The following DAPK2 variants were observed in gnomAD, a reference collection of about 807,000 sequenced individuals.
DAPK2 encodes the protein death-associated protein kinase 2.
A neutral mutation model predicts 44.1 loss-of-function variants in DAPK2; 35 were observed. The observed-to-expected ratio is 0.79, with a 90% confidence interval of 0.61 to 1.05. The LOEUF is 1.05. DAPK2 is among the 50% of genes least tolerant of loss of function. DAPK2 has a pLI of 0.00. For synonymous variants in DAPK2, 174 were observed against 182.6 expected (o/e 0.95, Z 0.38); for missense variants, 453 against 483.2 (o/e 0.94, Z 0.59).
At chr15:64,010,955 T>G (rs1221670182) in intron 1 of DAPK2, among the ~76,000 whole-genome samples, 1 of 152,158 alleles carries the variant, frequency 6.6e-6, no homozygotes, top group African/African-American at 2.4e-5. Context: ...AGCAACCCCA[T>G]GTGGAGGTGG....
In DAPK2 at chr15:64,015,556, C is replaced by T. The variant is rs143736072; in HGVS notation, c.92+24614G>A. Among the ~76,000 whole-genome samples the T allele has an allele frequency of 4.6e-5, 7 of 152,284 alleles. No homozygotes were observed. In the East Asian group the frequency reaches 1.3e-3, roughly 29 times the overall value. ...CCTAAAATATATTTCCATATTCTAACCCCTGGCACATGTGACCATGACCTC... is the reference window on the plus strand; with the variant it reads ...CCTAAAATATATTTCCATATTCTAATCCCTGGCACATGTGACCATGACCTC... On this transcript the variant is annotated intron_variant, in intron 1 of 10. Coordinates refer to ENST00000261891, the Ensembl canonical transcript of DAPK2.
chr15:63,996,639 G>A (rs766835774), intron 1 of DAPK2, among the ~76,000 whole-genome samples: 2 of 152,082 alleles, frequency 1.3e-5, no homozygotes, highest in Non-Finnish European at 2.9e-5. Flanking sequence ...GTGGTTCTGT[G>A]CTGCCATCAC....
At chr15:63,944,242 G>A (rs12908891) in intron 3 of DAPK2, among the ~76,000 whole-genome samples, 81,293 of 151,926 alleles carry the variant, frequency 0.54, 22,196 homozygotes, top group East Asian at 0.91. Flanking sequence ...CCAGGTTCTC[G>A]TCCCTACCTT....
At chr15:64,043,308 G>A (rs553283668), upstream of DAPK2, among the ~76,000 whole-genome samples, 3 of 152,258 alleles carry the variant, frequency 2.0e-5, no homozygotes, top group East Asian at 3.9e-4. Flanking sequence ...ACGTTAGAAT[G>A]GTCACTGCAA....
intron 1 of DAPK2, among the ~76,000 whole-genome samples, chr15:64,004,623 G>C (rs1272633957): frequency 6.6e-6 from 1 of 152,170 alleles, no homozygotes; most frequent in African/African-American, 2.4e-5. Context: ...TCTCTGCTAG[G>C]CCTCAATGGA....
chr15:63,960,872 G>A (rs1414474569), intron 3 of DAPK2, among the ~76,000 whole-genome samples: 1 of 152,176 alleles, frequency 6.6e-6, no homozygotes. Flanking sequence ...TCTGATTGGT[G>A]CAGAGCTGAG....
At chr15:63,971,828 G>A (rs1410494192) in intron 2 of DAPK2, among the ~76,000 whole-genome samples, 1 of 152,234 alleles carries the variant, frequency 6.6e-6, no homozygotes, top group Non-Finnish European at 1.5e-5. Flanking sequence ...CTAGGCCCTG[G>A]TCCCAGTCAC....
intron 1 of DAPK2, among the ~76,000 whole-genome samples, chr15:64,024,170 T>A (rs1467382095): frequency 6.6e-6 from 1 of 152,190 alleles, no homozygotes; most frequent in Non-Finnish European, 1.5e-5. Flanking sequence ...ATTCCTCTCA[T>A]CAACCCCAAG....
At chr15:63,933,330 A>C (rs997763726) in intron 4 of DAPK2, among the ~76,000 whole-genome samples, 3 of 151,842 alleles carry the variant, frequency 2.0e-5, no homozygotes, top group African/African-American at 7.3e-5. Context: ...CGCAACCTCC[A>C]CCTCCTGGGT....
intron 1 of DAPK2, among the ~76,000 whole-genome samples, chr15:64,032,216 G>A (rs542914071): frequency 2.0e-5 from 3 of 152,210 alleles, no homozygotes; most frequent in Non-Finnish European, 4.4e-5. Context: ...GATCAGAGAC[G>A]TGGTCCAGAA....
intron 1 of DAPK2, among the ~76,000 whole-genome samples, chr15:64,024,896 A>G (rs1190279480): frequency 6.6e-6 from 1 of 152,156 alleles, no homozygotes; most frequent in Non-Finnish European, 1.5e-5. Context: ...ACCAGGGGCC[A>G]GTGTTTCAGG....
At chr15:63,931,114 C>A (rs988903047) in intron 4 of DAPK2, among the ~76,000 whole-genome samples, 2 of 151,988 alleles carry the variant, frequency 1.3e-5, no homozygotes, top group African/African-American at 4.8e-5. Context: ...CTTGTTTGCC[C>A]CTTTGGTCAT....
intron 3 of DAPK2, among the ~76,000 whole-genome samples, chr15:63,958,860 C>G (rs902850937): frequency 2.0e-5 from 3 of 152,096 alleles, no homozygotes; most frequent in African/African-American, 7.2e-5. Flanking sequence ...TCCATATGAA[C>G]TTTAAAGTAG....
intron 3 of DAPK2, among the ~76,000 whole-genome samples, chr15:63,949,095 C>T (rs1193803977): frequency 6.6e-6 from 1 of 152,160 alleles, no homozygotes; most frequent in East Asian, 1.9e-4. Context: ...GGTGCCTCAT[C>T]AGTTTGCTGT....
At position 63,998,689 on chromosome 15, in the gene DAPK2, G is replaced by A. The variant is rs147423048; in HGVS notation, c.93-14935C>T. ...ATGGCCGTAACAGTAGGTGCTTTCCGTGTGCACAGCTTGGCATCCTCCCCC... is the reference window on the plus strand; with the variant it reads ...ATGGCCGTAACAGTAGGTGCTTTCCATGTGCACAGCTTGGCATCCTCCCCC... On this transcript the variant is annotated intron_variant, in intron 1 of 10. Coordinates refer to ENST00000261891, the Ensembl canonical transcript of DAPK2. Among the ~76,000 whole-genome samples, 278 of 152,316 alleles carry A rather than the reference G, an allele frequency of 1.8e-3. 2 individuals are homozygous for A. Among genetic ancestry groups the A allele is most frequent in the South Asian group, 0.014 (69 of 4,830 alleles).
chr15:63,945,809 C>T (rs1299681916), intron 3 of DAPK2, among the ~76,000 whole-genome samples: 1 of 152,196 alleles, frequency 6.6e-6, no homozygotes, highest in Non-Finnish European at 1.5e-5. Flanking sequence ...CACAACCTCC[C>T]AAGCTGGCTG....
intron 3 of DAPK2, among the ~76,000 whole-genome samples, chr15:63,941,922 C>G (rs1383108665): frequency 6.6e-6 from 1 of 152,206 alleles, no homozygotes; most frequent in Non-Finnish European, 1.5e-5. Flanking sequence ...CTGCAACCTC[C>G]CAACTGCCAA....
At chr15:63,938,361 G>A (rs1014181119) in intron 4 of DAPK2, among the ~76,000 whole-genome samples, 6 of 152,246 alleles carry the variant, frequency 3.9e-5, no homozygotes, top group Non-Finnish European at 5.9e-5. Context: ...TAGAGCATGA[G>A]ACATAGTGCC....
chr15:63,974,377 A>G (rs1055619118), intron 2 of DAPK2, among the ~76,000 whole-genome samples: 1 of 152,152 alleles, frequency 6.6e-6, no homozygotes, highest in Non-Finnish European at 1.5e-5. Context: ...TTTTAGGGGG[A>G]CAGAAGTTAC....
Sources: allele counts gnomAD v4.1 joint callset (sites outside exome capture counted in the v4.1 genomes callset), GRCh38; gene constraint gnomAD v4.1.1; transcripts MANE v1.5; gene names NCBI Gene and HGNC (gene_info 2026-07-23, HGNC 2026-07-21).